The following LCLAT1 variants were observed in gnomAD, a reference collection of about 807,000 sequenced individuals.
The protein encoded by LCLAT1 is lysocardiolipin acyltransferase 1, also known as 1-AGP acyltransferase 8.
A neutral mutation model predicts 30.7 loss-of-function variants in LCLAT1; 11 were observed. The ratio of observed to expected loss-of-function variants is 0.36; its 90% CI spans 0.23 to 0.59. LCLAT1 has a LOEUF of 0.59. LCLAT1 is among the 20% of genes least tolerant of loss of function. The probability of loss-of-function intolerance (pLI) is 0.77; values close to 1 mark genes in which losing one functional copy is unlikely to be tolerated. For missense variants in LCLAT1, 402 were observed against 458.6 expected (o/e 0.88, Z 1.13); for synonymous variants, 155 against 151.3 (o/e 1.02, Z -0.18).
chr2:30,533,398 C>T lies in LCLAT1; in HGVS notation c.364+84C>T, dbSNP rs1414564829. The T allele has an allele frequency of 2.2e-5, 27 of 1,219,464 alleles. No individual in the cohort carries two copies. The highest frequency in any genetic ancestry group is 1.0e-4 in the South Asian group (8 of 80,064). 75.5% of individuals were successfully genotyped at this position (1,219,464 alleles called of 1,614,324 possible). On this transcript the variant is annotated intron_variant, in intron 3 of 5. Coordinates refer to ENST00000379509, the MANE Select transcript of LCLAT1 (RefSeq NM_001002257.3). ...TGTAAAACTGACTTAAGCATTAAAG[C>T]GATTCCATTTTTTTCCTCACTGGGC... is the stretch of plus-strand genomic sequence containing the variant.
At chr2:30,556,709 A>C (rs1664933978) in intron 3 of LCLAT1, among the ~76,000 whole-genome samples, 1 of 152,056 alleles carries the variant, frequency 6.6e-6, no homozygotes. Context: ...ATTCCACAAT[A>C]AGATAAGAAC....
intron 3 of LCLAT1, among the ~76,000 whole-genome samples, chr2:30,536,206 A>C (rs954109426): frequency 6.6e-6 from 1 of 152,210 alleles, no homozygotes; most frequent in Non-Finnish European, 1.5e-5. Context: ...AGGTGAAAAA[A>C]GGCATTGAAA....
chr2:30,590,265 C>G (rs1021521480), intron 5 of LCLAT1, among the ~76,000 whole-genome samples: 2 of 151,342 alleles, frequency 1.3e-5, no homozygotes, highest in Non-Finnish European at 2.9e-5. Flanking sequence ...ATAATTTTTG[C>G]CAGCTATTTA....
At chr2:30,605,262 T>G (rs17009876) in intron 5 of LCLAT1, among the ~76,000 whole-genome samples, 13,544 of 152,260 alleles carry the variant, frequency 0.089, 1,120 homozygotes, top group African/African-American at 0.22. Flanking sequence ...AATCATAATA[T>G]CCAAACAGCC....
intron 3 of LCLAT1, among the ~76,000 whole-genome samples, chr2:30,549,976 A>C (rs542266141): frequency 6.6e-6 from 1 of 152,342 alleles, no homozygotes; most frequent in East Asian, 1.9e-4. Flanking sequence ...CAATGAAAAT[A>C]ATGTCAAAAC....
At chr2:30,519,513 A>G (rs1427606357) in intron 1 of LCLAT1, among the ~76,000 whole-genome samples, 4 of 152,160 alleles carry the variant, frequency 2.6e-5, no homozygotes, top group Non-Finnish European at 4.4e-5. Flanking sequence ...GAGAGACAGG[A>G]CTAGCTGGAT....
intron 1 of LCLAT1, among the ~76,000 whole-genome samples, chr2:30,452,222 T>G (rs1681587347): frequency 6.6e-6 from 1 of 152,130 alleles, no homozygotes; most frequent in South Asian, 2.1e-4. Context: ...ATTGTATATA[T>G]ATACTTTAAT....
intron 3 of LCLAT1, among the ~76,000 whole-genome samples, chr2:30,558,240 A>T (rs569519890): frequency 1.3e-5 from 2 of 152,320 alleles, no homozygotes; most frequent in East Asian, 3.9e-4. Flanking sequence ...AATTAAAAAA[A>T]TACACAAAAG....
chr2:30,495,853 G>C (rs1264060841), intron 1 of LCLAT1, among the ~76,000 whole-genome samples: 1 of 152,124 alleles, frequency 6.6e-6, no homozygotes, highest in Admixed American at 6.5e-5. Context: ...TGATGAGGTA[G>C]GTGGTTATGT....
At chr2:30,478,630 T>A (rs779751924) in intron 1 of LCLAT1, among the ~76,000 whole-genome samples, 5 of 152,134 alleles carry the variant, frequency 3.3e-5, no homozygotes, top group Non-Finnish European at 7.4e-5. Context: ...ATTGTGCCAC[T>A]GCACTCCAGT....
chr2:30,490,426 C>T (rs1037172039), intron 1 of LCLAT1, among the ~76,000 whole-genome samples: 2 of 151,972 alleles, frequency 1.3e-5, no homozygotes, highest in Admixed American at 6.6e-5. Flanking sequence ...AGGATGACCT[C>T]GTGATCCGTC....
intron 5 of LCLAT1, among the ~76,000 whole-genome samples, chr2:30,591,956 C>T (rs1666715499): frequency 6.6e-6 from 1 of 152,196 alleles, no homozygotes; most frequent in Non-Finnish European, 1.5e-5. Context: ...CTGTTGTCCT[C>T]ATCACATAGT....
Position 30,506,535 on chromosome 2 carries a change from A to T in LCLAT1, c.-4-19052A>T, listed in dbSNP as rs1684669728. Among the ~76,000 whole-genome samples the T allele has an allele frequency of 2.0e-5, 3 of 152,122 alleles. No individual in the cohort carries two copies. In the South Asian group the frequency reaches 6.2e-4, roughly 32 times the overall value. ...AAAGACACGTGATAATGCTATTAAG[A>T]ATACAAATAAAAGATTGAAAGAGGA... On this transcript the variant is annotated intron_variant, in intron 1 of 5. Transcript: ENST00000379509.
intron 5 of LCLAT1, among the ~76,000 whole-genome samples, chr2:30,639,057 C>T (rs1669175435): frequency 6.6e-6 from 1 of 152,148 alleles, no homozygotes; most frequent in African/African-American, 2.4e-5. Context: ...GTCTGAAATC[C>T]TTAAGTAGTT....
chr2:30,478,004 A>AT (rs563417866), intron 1 of LCLAT1, among the ~76,000 whole-genome samples: 160 of 151,326 alleles, frequency 1.1e-3, no homozygotes, highest in African/African-American at 3.7e-3. Context: ...GAATTAAGGA[A>AT]TTTTGTGGTC....
intron 5 of LCLAT1, among the ~76,000 whole-genome samples, chr2:30,590,285 CATT>C (rs1666632336): frequency 1.3e-5 from 2 of 150,490 alleles, no homozygotes; most frequent in Non-Finnish European, 3.0e-5. Flanking sequence ...AAACTTCCAT[CATT>C]GACTTTAAAA....
intron 5 of LCLAT1, among the ~76,000 whole-genome samples, chr2:30,596,641 GT>G (rs1179406409): frequency 1.3e-5 from 2 of 151,520 alleles, no homozygotes; most frequent in African/African-American, 4.9e-5. Flanking sequence ...AAGCCCTTTA[GT>G]TTAATCAGAT....
chr2:30,455,909 CAAAAAAAAA>C (rs3060184), intron 1 of LCLAT1, among the ~76,000 whole-genome samples: 23 of 61,000 alleles, frequency 3.8e-4, no homozygotes, highest in East Asian at 2.3e-3. Context: ...GACCCTATAT[CAAAAAAAAA>C]AAAAAAAAAA....
intron 3 of LCLAT1, among the ~76,000 whole-genome samples, chr2:30,547,691 G>A (rs962329318): frequency 6.6e-5 from 10 of 151,090 alleles, no homozygotes; most frequent in Non-Finnish European, 1.2e-4. Context: ...TCAAAGAGGG[G>A]GAGGTCCTCA....
Sources: gnomAD v4.1 joint callset for allele counts (sites outside exome capture counted in the v4.1 genomes callset) on GRCh38, gnomAD v4.1.1 for gene constraint, MANE v1.5 for transcripts, NCBI Gene and HGNC (gene_info 2026-07-23, HGNC 2026-07-21) for gene names.